TCF7L2: variants seen among roughly 807,000 people sequenced by gnomAD.
TCF7L2 encodes transcription factor 7 like 2, also known as transcription factor 7-like 2.
A neutral mutation model predicts 77.9 loss-of-function variants in TCF7L2; 23 were observed. That is an observed-to-expected ratio of 0.30 (90% confidence interval 0.21 to 0.42). The LOEUF is 0.42. Among genes scored for constraint, TCF7L2 ranks in the 10% least tolerant of loss-of-function variants. TCF7L2 has a pLI of 1.00. For missense variants in TCF7L2, 654 were observed against 793.1 expected, an observed-to-expected ratio of 0.82 and a Z score of 2.11; for synonymous variants, 413 against 340.2, an observed-to-expected ratio of 1.21 and a Z score of -2.36.
At position 113,062,520 on chromosome 10, in the gene TCF7L2, T is replaced by G. The variant is rs546615223; in HGVS notation, c.552+22394T>G. On this transcript the variant is annotated intron_variant, in intron 5 of 13. Transcript: ENST00000627217. ...CTTCTGGTCACATTTCTTTCTTGTGTGGTTCTTCTATGGCTACTGCACTTT... is the reference window on the plus strand; with the variant it reads ...CTTCTGGTCACATTTCTTTCTTGTGGGGTTCTTCTATGGCTACTGCACTTT... Among the ~76,000 whole-genome samples, 31 of 152,268 alleles carry G rather than the reference T, an allele frequency of 2.0e-4. 1 individual carries two copies. The South Asian group carries it at 6.2e-3, about 31-fold the overall frequency.
chr10:113,014,543 A>G (rs1012446560), intron 4 of TCF7L2, among the ~76,000 whole-genome samples: 1 of 152,214 alleles, frequency 6.6e-6, no homozygotes, highest in Non-Finnish European at 1.5e-5. Context: ...CTGTAATCCC[A>G]GCACTTTGGG....
At chr10:112,954,334 T>C (rs1455062759) in intron 3 of TCF7L2, among the ~76,000 whole-genome samples, 1 of 152,216 alleles carries the variant, frequency 6.6e-6, no homozygotes, top group East Asian at 1.9e-4. Context: ...AAGCAAACTC[T>C]CTGGAACCCT....
chr10:112,972,989 C>T (rs1251202940), intron 4 of TCF7L2, among the ~76,000 whole-genome samples: 1 of 152,212 alleles, frequency 6.6e-6, no homozygotes, highest in Non-Finnish European at 1.5e-5. Flanking sequence ...AAGTAATGCT[C>T]ACAGTGGTCT....
At chr10:113,056,969 A>C (rs191564078) in intron 5 of TCF7L2, among the ~76,000 whole-genome samples, 2 of 152,332 alleles carry the variant, frequency 1.3e-5, no homozygotes, top group African/African-American at 4.8e-5. Context: ...CAGAAATAGG[A>C]GGCCAGTACT....
At chr10:113,022,260 A>G (rs1196821296) in intron 4 of TCF7L2, among the ~76,000 whole-genome samples, 4 of 152,196 alleles carry the variant, frequency 2.6e-5, no homozygotes, top group Admixed American at 2.6e-4. Context: ...TTGCCTCCAC[A>G]TGGCTGATTG....
Position 113,166,300 on chromosome 10 carries a change from A to C in TCF7L2, c.*328A>C, listed in dbSNP as rs2074037073. On this transcript the variant is annotated 3_prime_UTR_variant, in exon 14 of 14. Coordinates refer to ENST00000627217, the MANE Select transcript of TCF7L2 (RefSeq NM_001146274.2). ...CGGATAGCTTAGTTTTAAAAGACTG[A>C]TTAAAAAACAAAAAGAAAAAAAAAG... The C allele has an allele frequency of 3.9e-6, 1 of 253,268 alleles. No homozygotes were observed. Among genetic ancestry groups the C allele is most frequent in the African/African-American group, 2.2e-5 (1 of 46,044 alleles). 15.7% of individuals were successfully genotyped at this position (253,268 alleles called of 1,614,324 possible). A position where few individuals can be genotyped will look rare whatever the true frequency, so the allele number is the denominator to read the frequency against.
intron 3 of TCF7L2, among the ~76,000 whole-genome samples, chr10:112,954,451 C>T (rs944282816): frequency 1.3e-5 from 2 of 152,104 alleles, no homozygotes; most frequent in African/African-American, 4.8e-5. Context: ...TTGCTGAAGA[C>T]ACCATAAAGC....
chr10:112,955,064 G>A (rs2033152568), intron 3 of TCF7L2, among the ~76,000 whole-genome samples: 1 of 152,056 alleles, frequency 6.6e-6, no homozygotes, highest in Non-Finnish European at 1.5e-5. Flanking sequence ...GAGTGTGAAG[G>A]GTTAATGGTG....
intron 8 of TCF7L2, among the ~76,000 whole-genome samples, chr10:113,146,353 G>A (rs568139729): frequency 4.6e-5 from 7 of 152,308 alleles, no homozygotes; most frequent in South Asian, 4.1e-4. Context: ...GAAGGTAAGG[G>A]AGAAACAGGA....
chr10:113,040,863 T>G (rs1421812994), intron 5 of TCF7L2, among the ~76,000 whole-genome samples: 1 of 152,214 alleles, frequency 6.6e-6, no homozygotes, highest in Non-Finnish European at 1.5e-5. Flanking sequence ...CTTCTATGTA[T>G]TTATATCATG....
In TCF7L2 at chr10:113,024,474, A is replaced by G. The variant is rs1236733081; in HGVS notation, c.451-15551A>G. Among the ~76,000 whole-genome samples the G allele has an allele frequency of 2.0e-5, 3 of 152,206 alleles. No individual in the cohort carries two copies. The East Asian group carries it at 5.8e-4, about 29-fold the overall frequency. ...ATGAAGGAGTACAGGTTAAATAACC[A>G]TTATCCAAAATGCTTGGGGCTGAAA... On this transcript the variant is annotated intron_variant, in intron 4 of 13. Transcript: ENST00000627217.
intron 5 of TCF7L2, among the ~76,000 whole-genome samples, chr10:113,068,526 G>A (rs1245635130): frequency 5.3e-5 from 8 of 152,162 alleles, no homozygotes; most frequent in African/African-American, 1.9e-4. Flanking sequence ...CCATGCCATG[G>A]CAGCTGGGCC....
intron 4 of TCF7L2, among the ~76,000 whole-genome samples, chr10:112,995,669 T>C (rs1246599893): frequency 6.6e-6 from 1 of 152,066 alleles, no homozygotes; most frequent in Non-Finnish European, 1.5e-5. Flanking sequence ...TACTGCCTGG[T>C]GTGTTGGTTA....
intron 5 of TCF7L2, among the ~76,000 whole-genome samples, chr10:113,085,128 A>T (rs1395999448): frequency 6.6e-6 from 1 of 151,784 alleles, no homozygotes; most frequent in South Asian, 2.1e-4. Context: ...GTGCGGGGGC[A>T]CAATCATGGC....
chr10:112,961,874 G>A (rs562215362), intron 3 of TCF7L2, among the ~76,000 whole-genome samples: 10 of 151,242 alleles, frequency 6.6e-5, no homozygotes, highest in Admixed American at 3.3e-4. Context: ...GGTGTCTGTG[G>A]GCGCTCGCGT....
chr10:113,165,795 C>G lies in TCF7L2; in HGVS notation c.1632C>G (p.Thr544=), dbSNP rs2137653539. The G allele has an allele frequency of 6.2e-7, 1 of 1,604,956 alleles. No homozygotes were observed. The highest frequency in any genetic ancestry group is 1.1e-5 in the South Asian group (1 of 89,790). Reference sequence around the variant, plus strand: ...CCGCCCTCCTGCTCGCTGAGGCCACCCACAAGGCCTCCGCCCTCTGTCCCA... The same window carrying G: ...CCGCCCTCCTGCTCGCTGAGGCCACGCACAAGGCCTCCGCCCTCTGTCCCA... The change falls in exon 14 of 14, where the codon ACC becomes ACG. Residue 544 remains threonine (T), a synonymous_variant. Transcript: ENST00000627217.
At chr10:112,961,409 C>A (rs556126567) in intron 3 of TCF7L2, among the ~76,000 whole-genome samples, 29 of 152,228 alleles carry the variant, frequency 1.9e-4, no homozygotes, top group African/African-American at 6.5e-4. Context: ...ACACAAATGG[C>A]CTACCATCTT....
chr10:113,062,255 T>C (rs1179117967), intron 5 of TCF7L2, among the ~76,000 whole-genome samples: 1 of 152,174 alleles, frequency 6.6e-6, no homozygotes, highest in African/African-American at 2.4e-5. Flanking sequence ...ACCCCTGTGT[T>C]CTTTGCCTAC....
At chr10:113,141,146 C>T (rs772667443) in intron 5 of TCF7L2, 38 bp from the exon 6 acceptor site, 18 of 1,608,610 alleles carry the variant, frequency 1.1e-5, no homozygotes, top group Admixed American at 5.0e-5. Context: ...CTGCTGGAAC[C>T]GGCTTGACGG....
Sources: allele counts gnomAD v4.1 joint callset (sites outside exome capture counted in the v4.1 genomes callset), GRCh38; gene constraint gnomAD v4.1.1; transcripts MANE v1.5; gene names NCBI Gene and HGNC (gene_info 2026-07-23, HGNC 2026-07-21).